Variants in VEGFC observed in about 807,000 individuals in gnomAD.
VEGFC encodes the protein vascular endothelial growth factor C, also known as FLT4 ligand DHM.
A neutral mutation model predicts 46.1 loss-of-function variants in VEGFC; 12 were observed. That is an observed-to-expected ratio of 0.26 (90% confidence interval 0.17 to 0.42). The LOEUF (loss-of-function observed/expected upper bound fraction) is 0.42, where lower values mean the gene tolerates loss of function less well. Ranked by LOEUF, VEGFC falls within the 10% of genes least tolerant of loss-of-function variation. The pLI, the probability that VEGFC is intolerant of heterozygous loss-of-function variation, is 1.00. For missense variants in VEGFC, 488 were observed against 529.4 expected (o/e 0.92, Z 0.77); for synonymous variants, 232 against 195.5 (o/e 1.19, Z -1.56).
rs79094685 is a variant in VEGFC at position 176,787,058 on chromosome 4, C to T, written c.147+5107G>A. On this transcript the variant is annotated intron_variant, in intron 1 of 6. Transcript: ENST00000618562. ...GATGGCAGCATCATGTAAATAAATA[C>T]ATTACTATTTTCCCAGTGAAGATTA... is the stretch of plus-strand genomic sequence containing the variant. Among the ~76,000 whole-genome samples, 1,470 of 152,242 alleles carry T rather than the reference C, an allele frequency of 9.7e-3. 13 individuals carry two copies. The highest frequency in any genetic ancestry group is 0.016 in the Non-Finnish European group (1,106 of 68,032).
At chr4:176,685,455 C>T (rs1734022671) in intron 6 of VEGFC, among the ~76,000 whole-genome samples, 1 of 151,990 alleles carries the variant, frequency 6.6e-6, no homozygotes, top group Non-Finnish European at 1.5e-5. Flanking sequence ...GAATTATACA[C>T]TTAGAAAAAT....
At chr4:176,752,362 T>C (rs760443921) in intron 1 of VEGFC, among the ~76,000 whole-genome samples, 3 of 152,062 alleles carry the variant, frequency 2.0e-5, no homozygotes, top group Non-Finnish European at 2.9e-5. Context: ...ACATAGCTCA[T>C]ATTGGCACTC....
chr4:176,698,252 C>T (rs1734360422), intron 4 of VEGFC, among the ~76,000 whole-genome samples: 1 of 151,752 alleles, frequency 6.6e-6, no homozygotes, highest in Admixed American at 6.6e-5. Context: ...CTCTTTGCCA[C>T]GGAGGTTTTC....
intron 1 of VEGFC, among the ~76,000 whole-genome samples, chr4:176,741,243 CG>C (rs2110878860): frequency 6.6e-6 from 1 of 151,860 alleles, no homozygotes; most frequent in African/African-American, 2.4e-5. Context: ...TTTTAGTGTA[CG>C]GAACAGGAAA....
chr4:176,687,314 G>A lies in VEGFC; in HGVS notation c.1018C>T (p.Gln340Ter), dbSNP rs1430237480. 6.2e-7 allele frequency: 1 copy of A among 1,613,960 alleles called. No individual in the cohort carries two copies. Among genetic ancestry groups the A allele is most frequent in the Admixed American group, 1.7e-5 (1 of 59,986 alleles). Residue 340 changes from glutamine to a stop codon, truncating the protein, a stop_gained, in exon 6 of 7, where the codon CAG (glutamine) becomes TAG (stop). Coordinates refer to ENST00000618562, the MANE Select transcript of VEGFC (RefSeq NM_005429.5). LOFTEE classifies it high-confidence loss of function. ...ANREFDENTC[Q>*]CVCKRTCPRN... is the part of the protein sequence containing the mutation. ...GGGCAGGTTCTTTTACATACACACT[G>A]GCATGTGTTTTCATCAAATTCTCGG...
rs567245477 is a variant in VEGFC, at chr4:176,737,259, TAATA to T, written c.148-7517_148-7514del. On this transcript the variant is annotated intron_variant, in intron 1 of 6. Coordinates refer to ENST00000618562, the MANE Select transcript of VEGFC (RefSeq NM_005429.5). ...ATTTATTAACATTAATGTTAAATGT[TAATA>T]AATATAGAATATGTTTATAATATAT... 1.4e-3 allele frequency among the ~76,000 whole-genome samples: 181 copies of T among 131,522 alleles called. 3 individuals carry two copies. Among genetic ancestry groups the T allele is most frequent in the African/African-American group, 4.3e-3 (165 of 38,524 alleles). 86.3% of individuals were successfully genotyped at this position (131,522 alleles called of 152,430 possible).
At chr4:176,749,070 T>C (rs1036341033) in intron 1 of VEGFC, among the ~76,000 whole-genome samples, 4 of 151,998 alleles carry the variant, frequency 2.6e-5, no homozygotes, top group Non-Finnish European at 5.9e-5. Context: ...ACTTAGATAA[T>C]GCTAACAAAG....
At chr4:176,773,689 G>C (rs1411337857) in intron 1 of VEGFC, among the ~76,000 whole-genome samples, 1 of 152,014 alleles carries the variant, frequency 6.6e-6, no homozygotes, top group Non-Finnish European at 1.5e-5. Flanking sequence ...TAGGTTTGTT[G>C]TTGTTTTTTA....
chr4:176,776,953 A>C (rs1458770553), intron 1 of VEGFC, among the ~76,000 whole-genome samples: 1 of 152,176 alleles, frequency 6.6e-6, no homozygotes, highest in Non-Finnish European at 1.5e-5. Context: ...TATTGTTCTA[A>C]TATCTCCTGC....
intron 4 of VEGFC, among the ~76,000 whole-genome samples, chr4:176,692,444 G>A (rs1734212494): frequency 7.4e-6 from 1 of 134,992 alleles, no homozygotes; most frequent in Admixed American, 7.1e-5. Flanking sequence ...GGCACACCAC[G>A]AGATTATACC....
chr4:176,711,898 G>A (rs1391264593), intron 3 of VEGFC, among the ~76,000 whole-genome samples: 1 of 151,912 alleles, frequency 6.6e-6, no homozygotes, highest in Non-Finnish European at 1.5e-5. Flanking sequence ...ATTAGAATTA[G>A]GATAACCAAC....
At chr4:176,720,135 CA>C (rs1734759334) in intron 3 of VEGFC, among the ~76,000 whole-genome samples, 1 of 151,820 alleles carries the variant, frequency 6.6e-6, no homozygotes, top group Non-Finnish European at 1.5e-5. Context: ...CATGATAATA[CA>C]AAATCAAAGA....
intron 1 of VEGFC, among the ~76,000 whole-genome samples, chr4:176,784,425 C>A (rs1035523105): frequency 6.6e-6 from 1 of 151,548 alleles, no homozygotes; most frequent in Non-Finnish European, 1.5e-5. Flanking sequence ...TAATTATATT[C>A]TACATTTTGG....
At chr4:176,698,066 A>G (rs1412347901) in intron 4 of VEGFC, among the ~76,000 whole-genome samples, 1 of 151,984 alleles carries the variant, frequency 6.6e-6, no homozygotes, top group African/African-American at 2.4e-5. Context: ...GCACACCAGC[A>G]TGGCACATGT....
chr4:176,770,655 G>A (rs904383449), intron 1 of VEGFC, among the ~76,000 whole-genome samples: 1 of 148,626 alleles, frequency 6.7e-6, no homozygotes, highest in Non-Finnish European at 1.5e-5. Context: ...CTGTTATAGT[G>A]TCCTCTGGAT....
intron 1 of VEGFC, among the ~76,000 whole-genome samples, chr4:176,773,922 T>C (rs1735764960): frequency 6.6e-6 from 1 of 152,144 alleles, no homozygotes; most frequent in Non-Finnish European, 1.5e-5. Context: ...CGTGAACTCT[T>C]TTTTAATTAC....
chr4:176,706,587 T>C lies in VEGFC; in HGVS notation c.704+4912A>G, dbSNP rs577448971. Among the ~76,000 whole-genome samples, 100 of 132,466 alleles carry C rather than the reference T, an allele frequency of 7.5e-4. 1 individual carries two copies. Among genetic ancestry groups the C allele is most frequent in the Non-Finnish European group, 1.3e-3 (82 of 65,020 alleles). The allele number at this position is 132,466 out of a possible 152,430, so 86.9% of individuals were successfully genotyped here. A position where few individuals can be genotyped will look rare whatever the true frequency, so the allele number is the denominator to read the frequency against. On this transcript the variant is annotated intron_variant, in intron 4 of 6. Transcript: ENST00000618562. Reference sequence around the variant, plus strand: ...GTTGCAGTGAGCTGAGATCACGTCATTGTACTCCAGCCTGGGTGATAGAGT... The same window carrying C: ...GTTGCAGTGAGCTGAGATCACGTCACTGTACTCCAGCCTGGGTGATAGAGT...
intron 4 of VEGFC, among the ~76,000 whole-genome samples, chr4:176,692,085 T>TTCCGACGG (rs1734197168): frequency 6.6e-6 from 1 of 152,088 alleles, no homozygotes. Context: ...TACTGCGCTT[T>TTCCGACGG]TCCGACGGGC....
intron 1 of VEGFC, among the ~76,000 whole-genome samples, chr4:176,740,786 C>T (rs888888243): frequency 5.3e-5 from 8 of 151,576 alleles, no homozygotes; most frequent in African/African-American, 1.9e-4. Context: ...ACAAAAATCA[C>T]ATTTGTCCGA....
Sources: gnomAD v4.1 joint callset for allele counts (sites outside exome capture counted in the v4.1 genomes callset) on GRCh38, gnomAD v4.1.1 for gene constraint, MANE v1.5 for transcripts, NCBI Gene and HGNC (gene_info 2026-07-23, HGNC 2026-07-21) for gene names.